Variants in BICD1 observed in about 807,000 individuals in gnomAD.
The protein encoded by BICD1 is protein bicaudal D homolog 1.
In BICD1, 35 loss-of-function variants were observed where a neutral mutation model predicts 92.5. That is an observed-to-expected ratio of 0.38 (90% confidence interval 0.29 to 0.50). The LOEUF is 0.50. BICD1 is among the 20% of genes least tolerant of loss of function. The pLI, the probability that BICD1 is intolerant of heterozygous loss-of-function variation, is 0.93. For missense variants in BICD1, 950 were observed against 1,189.8 expected (o/e 0.80, Z 2.97); for synonymous variants, 429 against 465.1 (o/e 0.92, Z 1.00).
intron 4 of BICD1, among the ~76,000 whole-genome samples, chr12:32,314,568 T>A (rs1948453353): frequency 6.6e-6 from 1 of 152,180 alleles, no homozygotes; most frequent in Admixed American, 6.6e-5. Context: ...CTCTTTTATA[T>A]CTTCTGTGGA....
intron 8 of BICD1, among the ~76,000 whole-genome samples, chr12:32,354,477 G>T (rs561692910): frequency 6.6e-6 from 1 of 152,142 alleles, no homozygotes; most frequent in East Asian, 1.9e-4. Context: ...AATTTTTAAC[G>T]AAGAATGATT....
rs1941504934 is a variant in BICD1 at position 32,107,251 on chromosome 12, A to G, written c.-81A>G. On this transcript the variant is annotated 5_prime_UTR_variant, in exon 1 of 10. Transcript: ENST00000652176. ...TTTCCGTTTCCACCCATCCCTTCCCATTTCCTTCTCCCTTTCCCCGCCAGC... is the reference window on the plus strand; with the variant it reads ...TTTCCGTTTCCACCCATCCCTTCCCGTTTCCTTCTCCCTTTCCCCGCCAGC... 7.6e-7 allele frequency: 1 copy of G among 1,311,304 alleles called. No individual in the cohort carries two copies. Among genetic ancestry groups the G allele is most frequent in the Non-Finnish European group, 1.1e-6 (1 of 950,432 alleles). The allele number at this position is 1,311,304 out of a possible 1,614,324, so 81.2% of individuals were successfully genotyped here.
In BICD1 at chr12:32,367,715, T is replaced by C; in HGVS notation, c.2810T>C (p.Leu937Pro). ...TCCGTACCGCCACAGTGCTCACAACTAGCCGGGAGGCAAGACTGCCCAACT... is the reference window on the plus strand; with the variant it reads ...TCCGTACCGCCACAGTGCTCACAACCAGCCGGGAGGCAAGACTGCCCAACT... ...AASVPPQCSQ[L>P]AGRQDCPTVS... Residue 937 changes from leucine (L) to proline (P), a missense_variant, in exon 9 of 10, where the codon CTA (leucine) becomes CCA (proline). Leu to Pro is a moderately conservative substitution (Grantham distance 98). Around this residue, in one of 5 missense-constraint regions of BICD1, gnomAD observed 179 missense variants for 186.7 expected, o/e 0.96. Transcript: ENST00000652176. The C allele has an allele frequency of 1.2e-6, 2 of 1,614,164 alleles. No homozygotes were observed. The highest frequency in any genetic ancestry group is 1.7e-6 in the Non-Finnish European group (2 of 1,180,024).
chr12:32,246,132 A>G (rs1200125761), intron 2 of BICD1, among the ~76,000 whole-genome samples: 1 of 151,566 alleles, frequency 6.6e-6, no homozygotes, highest in African/African-American at 2.4e-5. Context: ...GGTTAAAACA[A>G]GTTTTAACAT....
intron 2 of BICD1, among the ~76,000 whole-genome samples, chr12:32,286,142 T>A (rs1229102017): frequency 1.3e-5 from 2 of 152,208 alleles, no homozygotes; most frequent in Non-Finnish European, 2.9e-5. Flanking sequence ...CCTCATTAGC[T>A]TTGCTGTGGT....
chr12:32,276,581 C>T (rs976871524), intron 2 of BICD1, among the ~76,000 whole-genome samples: 1 of 152,216 alleles, frequency 6.6e-6, no homozygotes, highest in Middle Eastern at 3.4e-3. Context: ...CCCAGGCATT[C>T]GAGCTGGCAA....
chr12:32,310,172 A>C (rs1035063063), intron 4 of BICD1, among the ~76,000 whole-genome samples: 17 of 152,220 alleles, frequency 1.1e-4, no homozygotes, highest in African/African-American at 4.1e-4. Context: ...TCTATAGTAC[A>C]ACACAGTGAC....
At chr12:32,300,576 C>T (rs1948010207) in intron 3 of BICD1, among the ~76,000 whole-genome samples, 1 of 150,260 alleles carries the variant, frequency 6.7e-6, no homozygotes, top group Non-Finnish European at 1.5e-5. Flanking sequence ...AAGAGGTGTC[C>T]TATGTTGTCC....
intron 2 of BICD1, among the ~76,000 whole-genome samples, chr12:32,290,904 T>G (rs1565645780): frequency 6.6e-6 from 1 of 152,230 alleles, no homozygotes. Flanking sequence ...CTTACCATTT[T>G]AACAAGTGTC....
In BICD1 at chr12:32,337,063, G is replaced by A. The variant is rs1460611283; in HGVS notation, c.2253-436G>A. Among the ~76,000 whole-genome samples the A allele has an allele frequency of 1.3e-5, 2 of 152,074 alleles. No homozygotes were observed. Among genetic ancestry groups the A allele is most frequent in the Non-Finnish European group, 2.9e-5 (2 of 68,022 alleles). Reference sequence around the variant, plus strand: ...GTTCAAGACCAGCCTGGCCAACATGGTGAAACCCCGTCTCTACTAAAAAAA... The same window carrying A: ...GTTCAAGACCAGCCTGGCCAACATGATGAAACCCCGTCTCTACTAAAAAAA... On this transcript the variant is annotated intron_variant, in intron 6 of 9. Coordinates refer to ENST00000652176, the MANE Select transcript of BICD1 (RefSeq NM_001714.4). The surrounding 1 kb of genome is among the most constrained non-coding windows in gnomAD (Gnocchi z 4.7).
intron 2 of BICD1, among the ~76,000 whole-genome samples, chr12:32,255,955 A>T (rs1330879363): frequency 6.6e-6 from 1 of 151,952 alleles, no homozygotes; most frequent in Non-Finnish European, 1.5e-5. Context: ...AATATTATTA[A>T]TTAATTATTA....
At chr12:32,107,606 C>A in intron 1 of BICD1, 62 bp downstream of exon 1, 1 of 1,488,592 alleles carries the variant, frequency 6.7e-7, no homozygotes, top group Non-Finnish European at 9.1e-7. Context: ...AAGGCCCACT[C>A]ATCATGATCA....
At chr12:32,273,030 G>A (rs1473950612) in intron 2 of BICD1, among the ~76,000 whole-genome samples, 9 of 152,200 alleles carry the variant, frequency 5.9e-5, no homozygotes, top group Non-Finnish European at 1.0e-4. Flanking sequence ...GTGTGAAGAA[G>A]AGGCCTAAGA....
At chr12:32,244,102 T>G (rs1282579363) in intron 2 of BICD1, among the ~76,000 whole-genome samples, 1 of 147,604 alleles carries the variant, frequency 6.8e-6, no homozygotes, top group Non-Finnish European at 1.5e-5. Context: ...ATTAAAATCA[T>G]TGTCTTTCAT....
intron 1 of BICD1, among the ~76,000 whole-genome samples, chr12:32,187,315 T>G (rs1236806868): frequency 6.6e-6 from 1 of 152,206 alleles, no homozygotes; most frequent in Non-Finnish European, 1.5e-5. Context: ...AACAATATAT[T>G]GCTCACCTGG....
rs1555150867 is a variant in BICD1, at chr12:32,225,622, T to TTTTTGTTTTTG, written c.426+9167_426+9168insGTTTTTGTTTT. ...GGTATTTGACAGTTCTTTTTTTCTG[T>TTTTTGTTTTTG]TTTTTTTTTTTTTTTTTTTAGACGG... On this transcript the variant is annotated intron_variant, in intron 2 of 9. Transcript: ENST00000652176. Among the ~76,000 whole-genome samples, 2 of 8,816 alleles carry TTTTTGTTTTTG rather than the reference T, an allele frequency of 2.3e-4. 1 individual carries two copies. The highest frequency in any genetic ancestry group is 8.3e-4 in the African/African-American group (2 of 2,412). The allele number at this position is 8,816 out of a possible 152,430, so 5.8% of individuals were successfully genotyped here.
chr12:32,143,476 A>T (rs1028167231), intron 1 of BICD1, among the ~76,000 whole-genome samples: 1 of 151,902 alleles, frequency 6.6e-6, no homozygotes, highest in African/African-American at 2.4e-5. Context: ...TGTGTGTGTG[A>T]GATTCTCCAG....
intron 9 of BICD1, among the ~76,000 whole-genome samples, chr12:32,375,701 C>G (rs1247825922): frequency 6.6e-6 from 1 of 152,098 alleles, no homozygotes; most frequent in East Asian, 1.9e-4. Flanking sequence ...ATTTACAGCA[C>G]TTCAAAGAGT....
chr12:32,257,211 CA>C (rs35294412), intron 2 of BICD1, among the ~76,000 whole-genome samples: 25,729 of 78,542 alleles, frequency 0.33, 797 homozygotes, highest in Middle Eastern at 0.43. Flanking sequence ...GACTCTGTCT[CA>C]AAAAAAAAAA....
Sources: allele counts gnomAD v4.1 joint callset (sites outside exome capture counted in the v4.1 genomes callset), GRCh38; gene constraint gnomAD v4.1.1; regional missense constraint gnomAD v4.1.1; non-coding constraint Gnocchi (gnomAD v3.1); transcripts MANE v1.5; gene names NCBI Gene and HGNC (gene_info 2026-07-23, HGNC 2026-07-21).